Variants in XRN2 observed in about 807,000 individuals in gnomAD.
The protein encoded by XRN2 is DHM1-like protein.
XRN2 carries 44 observed loss-of-function variants against 138.5 expected under a neutral mutation model. The ratio of observed to expected loss-of-function variants is 0.32; its 90% CI spans 0.25 to 0.41. The LOEUF is 0.41. Ranked by LOEUF, XRN2 falls within the 10% of genes least tolerant of loss-of-function variation. The probability of loss-of-function intolerance (pLI) is 1.00; values close to 1 mark genes in which losing one functional copy is unlikely to be tolerated. For missense variants in XRN2, 937 were observed against 1,169.3 expected, an observed-to-expected ratio of 0.80 and a Z score of 2.90; for synonymous variants, 354 against 369.4, an observed-to-expected ratio of 0.96 and a Z score of 0.48.
chr20:21,305,005 C>G (rs377133646), intron 1 of XRN2, among the ~76,000 whole-genome samples: 1 of 152,106 alleles, frequency 6.6e-6, no homozygotes, highest in South Asian at 2.1e-4. Flanking sequence ...CTGCTTTTGT[C>G]TTTTTCCCTG....
At chr20:21,377,399 A>G (rs1007817543) in intron 27 of XRN2, among the ~76,000 whole-genome samples, 1 of 150,936 alleles carries the variant, frequency 6.6e-6, no homozygotes, top group Non-Finnish European at 1.5e-5. Flanking sequence ...TGGGATTACA[A>G]GTATGCACCA....
intron 28 of XRN2, 133 bp from the exon 29 acceptor site, chr20:21,386,735 A>G: frequency 1.1e-5 from 12 of 1,107,136 alleles, no homozygotes; most frequent in African/African-American, 1.6e-5. Context: ...GGCCATTCTG[A>G]TACTCTGTAT....
chr20:21,318,384 C>T (rs1001119588), intron 1 of XRN2, among the ~76,000 whole-genome samples: 5 of 152,150 alleles, frequency 3.3e-5, no homozygotes, highest in Admixed American at 1.3e-4. Flanking sequence ...TTGTTGGTTT[C>T]ATTGATTTTT....
At chr20:21,382,412 C>T (rs2038895735) in intron 28 of XRN2, among the ~76,000 whole-genome samples, 1 of 152,192 alleles carries the variant, frequency 6.6e-6, no homozygotes, top group African/African-American at 2.4e-5. Flanking sequence ...TGGTGTTCCA[C>T]TTTTATCATT....
intron 3 of XRN2, 110 bp downstream of exon 3, chr20:21,326,711 GAGAA>G: frequency 1.2e-6 from 1 of 825,542 alleles, no homozygotes; most frequent in East Asian, 2.7e-5. Context: ...TGATGAACTT[GAGAA>G]AGAAAGCCTC....
intron 9 of XRN2, 34 bp from the exon 10 acceptor site, chr20:21,333,510 T>C: frequency 6.2e-7 from 1 of 1,603,028 alleles, no homozygotes; most frequent in Non-Finnish European, 8.5e-7. Flanking sequence ...GGACGTAGAG[T>C]AGACTTGTTT....
Position 21,303,372 on chromosome 20 carries a change from GGCC to G in XRN2, c.-20_-18del, listed in dbSNP as rs2037765185. ...CTTTGGTTACGCTCGTCAGCCGGTCGGCCGCCGCCTCCAGCCGTGTGCCGCTAT... is the reference window on the plus strand; with the variant it reads ...CTTTGGTTACGCTCGTCAGCCGGTCGGCCGCCTCCAGCCGTGTGCCGCTAT... On this transcript the variant is annotated 5_prime_UTR_variant, in exon 1 of 30. Coordinates refer to ENST00000377191, the MANE Select transcript of XRN2 (RefSeq NM_012255.5). 6.5e-7 allele frequency: 1 copy of G among 1,541,986 alleles called. No homozygotes were observed. Among genetic ancestry groups the G allele is most frequent in the South Asian group, 1.2e-5 (1 of 83,114 alleles).
rs1430294900 is a variant in XRN2, at chr20:21,389,341, T to G, written c.*3T>G. Reference sequence around the variant, plus strand: ...CAGGAAGATACAATTGGAATTAAGCTTTTGTAAAGCTTTCCCAAATCCTTT... The same window carrying G: ...CAGGAAGATACAATTGGAATTAAGCGTTTGTAAAGCTTTCCCAAATCCTTT... On this transcript the variant is annotated 3_prime_UTR_variant, in exon 30 of 30. Transcript: ENST00000377191. 1 of 1,611,932 alleles carries G rather than the reference T, an allele frequency of 6.2e-7. No individual in the cohort carries two copies.
intron 24 of XRN2, among the ~76,000 whole-genome samples, chr20:21,360,410 T>C (rs988395387): frequency 1.3e-5 from 2 of 152,126 alleles, no homozygotes; most frequent in Non-Finnish European, 2.9e-5. Context: ...AAGCATAATT[T>C]ATACAGTTTT....
intron 27 of XRN2, among the ~76,000 whole-genome samples, chr20:21,377,943 T>C (rs1238701360): frequency 6.6e-6 from 1 of 152,198 alleles, no homozygotes; most frequent in Admixed American, 6.5e-5. Context: ...ACCTCTCCGC[T>C]CTTTCCGTCC....
At chr20:21,314,150 C>G (rs1333175914) in intron 1 of XRN2, among the ~76,000 whole-genome samples, 2 of 152,274 alleles carry the variant, frequency 1.3e-5, no homozygotes, top group Non-Finnish European at 2.9e-5. Flanking sequence ...ATAGATTTTT[C>G]CTAGTCTGGA....
intron 4 of XRN2, 56 bp from the exon 5 acceptor site, chr20:21,330,425 T>G (rs546834324): frequency 6.8e-5 from 108 of 1,583,864 alleles, no homozygotes; most frequent in Middle Eastern, 4.0e-4. Context: ...GGCTTAATGT[T>G]GAGTAATTTA....
chr20:21,348,871 G>A (rs6137322), intron 19 of XRN2, among the ~76,000 whole-genome samples: 11,808 of 152,030 alleles, frequency 0.078, 1,276 homozygotes, highest in African/African-American at 0.23. Flanking sequence ...TCTTGATCTC[G>A]TGACCTCGTG....
intron 27 of XRN2, among the ~76,000 whole-genome samples, chr20:21,371,443 G>A (rs2038759745): frequency 6.6e-6 from 1 of 152,194 alleles, no homozygotes. Flanking sequence ...GGGCACAGAG[G>A]TACAGAGTCA....
chr20:21,340,678 T>C, intron 14 of XRN2, 43 bp from the exon 15 acceptor site: 1 of 1,599,380 alleles, frequency 6.3e-7, no homozygotes, highest in Admixed American at 1.7e-5. Flanking sequence ...CTAACTGTGT[T>C]GTGATTTAAT....
At chr20:21,359,976 T>C (rs1331795247) in intron 24 of XRN2, among the ~76,000 whole-genome samples, 1 of 152,110 alleles carries the variant, frequency 6.6e-6, no homozygotes, top group Non-Finnish European at 1.5e-5. Flanking sequence ...TTCTTCCCAT[T>C]GTATTCATTC....
intron 17 of XRN2, among the ~76,000 whole-genome samples, chr20:21,346,954 C>T (rs1352219128): frequency 6.6e-6 from 1 of 152,118 alleles, no homozygotes; most frequent in Non-Finnish European, 1.5e-5. Context: ...TGAGCTGGAT[C>T]TTGAAAACAA....
chr20:21,339,083 A>C lies in XRN2; in HGVS notation c.1273A>C (p.Met425Leu). Residue 425 changes from methionine (M) to leucine (L), a missense_variant, in exon 14 of 30, where the codon ATG becomes CTG. Met to Leu is a conservative substitution (Grantham distance 15). This residue lies in a region of XRN2 where 471 missense variants were observed against 581.2 expected (regional missense o/e 0.81). Transcript: ENST00000377191. ...ACGACAGAAAGAAAAAAGAAAGAGA[A>C]TGAAGGTGAGTTTTAATTAATTTCA... ...RRRQKEKRKR[M>L]KRDQPAFTPS... 6.2e-7 allele frequency: 1 copy of C among 1,605,364 alleles called. No homozygotes were observed.
At chr20:21,320,119 T>C (rs1165871485) in intron 1 of XRN2, among the ~76,000 whole-genome samples, 1 of 152,172 alleles carries the variant, frequency 6.6e-6, no homozygotes, top group Non-Finnish European at 1.5e-5. Flanking sequence ...CTCAGCTTTT[T>C]ATTGATCTGA....
Sources: gnomAD v4.1 joint callset for allele counts (sites outside exome capture counted in the v4.1 genomes callset) on GRCh38, gnomAD v4.1.1 for gene constraint, gnomAD v4.1.1 regional missense constraint, MANE v1.5 for transcripts, NCBI Gene and HGNC (gene_info 2026-07-23, HGNC 2026-07-21) for gene names.